The following CNTN6 variants were observed in gnomAD, a reference collection of about 807,000 sequenced individuals.
The protein encoded by CNTN6 is contactin 6.
A neutral mutation model predicts 122.8 loss-of-function variants in CNTN6; 137 were observed. The ratio of observed to expected loss-of-function variants is 1.12; its 90% CI spans 0.97 to 1.29. The LOEUF is 1.29. CNTN6 is among the 50% of genes most tolerant of loss of function. CNTN6 has a pLI of 0.00. For missense variants in CNTN6, 1,634 were observed against 1,223.4 expected (o/e 1.34, Z -5.01); for synonymous variants, 570 against 426.0 (o/e 1.34, Z -4.16).
chr3:1,299,011 C>G lies in CNTN6; in HGVS notation c.761+1020C>G, dbSNP rs540181289. ...ATTAAGTTAAACATACTCAGCAATC[C>G]AAATAATGGTGGTTACTAAATCTTA... is the stretch of plus-strand genomic sequence containing the variant. On this transcript the variant is annotated intron_variant, in intron 7 of 22. Transcript: ENST00000446702. Among the ~76,000 whole-genome samples, 18 of 152,176 alleles carry G rather than the reference C, an allele frequency of 1.2e-4. No homozygotes were observed. In the South Asian group the frequency reaches 1.2e-3, roughly 11 times the overall value.
chr3:1,155,381 A>T (rs1236589097), intron 2 of CNTN6, among the ~76,000 whole-genome samples: 1 of 152,228 alleles, frequency 6.6e-6, no homozygotes, highest in African/African-American at 2.4e-5. Flanking sequence ...TTAGGGATAA[A>T]CCAATATTCC....
intron 2 of CNTN6, among the ~76,000 whole-genome samples, chr3:1,170,107 C>T (rs1348266234): frequency 6.6e-6 from 1 of 151,636 alleles, no homozygotes; most frequent in Non-Finnish European, 1.5e-5. Context: ...TGTGGTGGTG[C>T]AAGCCTGTAG....
At chr3:1,278,320 C>A in intron 4 of CNTN6, 93 bp from the exon 5 acceptor site, 1 of 840,798 alleles carries the variant, frequency 1.2e-6, no homozygotes, top group Non-Finnish European at 1.8e-6. Context: ...AGATTAATTC[C>A]CCTTAATAAT....
At position 1,385,761 on chromosome 3, in the gene CNTN6, T is replaced by A. The variant is rs1382352050; in HGVS notation, c.2668T>A (p.Ser890Thr). The change falls in exon 20 of 23, where the codon TCA becomes ACA. Residue 890 changes from serine to threonine, a missense_variant. Coordinates refer to ENST00000446702, the MANE Select transcript of CNTN6 (RefSeq NM_001289080.2). ...RAYNTAGTGP[S>T]SPPVNVTTKK... Reference sequence around the variant, plus strand: ...TTACAACACTGCTGGGACAGGGCCCTCAAGCCCCCCAGTCAATGTTACCAC... The same window carrying A: ...TTACAACACTGCTGGGACAGGGCCCACAAGCCCCCCAGTCAATGTTACCAC... The A allele has an allele frequency of 6.2e-7, 1 of 1,612,864 alleles. No homozygotes were observed. The highest frequency in any genetic ancestry group is 1.3e-5 in the African/African-American group (1 of 74,834).
In CNTN6 at chr3:1,295,666, G is replaced by C. The variant is rs772340023; in HGVS notation, c.520G>C (p.Val174Leu). ...LYVQEDNRRF[V>L]SQETGNLYIA... is the part of the protein sequence containing the mutation. Reference sequence around the variant, plus strand: ...CGTCCAAGAGGACAATAGGCGATTTGTATCTCAAGAGACGGGAAACTTGTA... The same window carrying C: ...CGTCCAAGAGGACAATAGGCGATTTCTATCTCAAGAGACGGGAAACTTGTA... The change falls in exon 6 of 23, where the codon GTA becomes CTA. Residue 174 changes from valine (V) to leucine (L), a missense_variant. By Grantham distance (32) the Val-to-Leu change is conservative. Transcript: ENST00000446702. 3 of 1,613,996 alleles carry C rather than the reference G, an allele frequency of 1.9e-6. No homozygotes were observed. The highest frequency in any genetic ancestry group is 2.2e-5 in the South Asian group (2 of 91,082).
In CNTN6 at chr3:1,329,880, C is replaced by A. The variant is rs747798018; in HGVS notation, c.1309C>A (p.Pro437Thr). 6.2e-7 allele frequency: 1 copy of A among 1,610,296 alleles called. No individual in the cohort carries two copies. Among genetic ancestry groups the A allele is most frequent in the East Asian group, 2.2e-5 (1 of 44,658 alleles). The part of the protein sequence containing the change: ...IVIGCKPNAF[P>T]RAAISWKRGT... ...TATCGGATGCAAACCAAATGCTTTT[C>A]CCAGGGCAGCTATCTCTTGGAAAAG... Residue 437 changes from proline (P) to threonine (T), a missense_variant, in exon 11 of 23, where the codon CCC becomes ACC. Transcript: ENST00000446702.
At chr3:1,286,334 C>G (rs1035071135) in intron 5 of CNTN6, among the ~76,000 whole-genome samples, 5 of 152,168 alleles carry the variant, frequency 3.3e-5, no homozygotes, top group Non-Finnish European at 7.3e-5. Flanking sequence ...TCTCCTAATG[C>G]TATCCCTCCC....
intron 2 of CNTN6, among the ~76,000 whole-genome samples, chr3:1,202,206 C>A (rs2093882896): frequency 6.6e-6 from 1 of 152,278 alleles, no homozygotes; most frequent in South Asian, 2.1e-4. Flanking sequence ...GAATGCATGA[C>A]TAGGAATGAG....
chr3:1,115,831 G>A (rs528655327), intron 1 of CNTN6, among the ~76,000 whole-genome samples: 3 of 152,114 alleles, frequency 2.0e-5, no homozygotes, highest in South Asian at 4.2e-4. Flanking sequence ...AGTTATGATA[G>A]CCAGACTCAC....
In CNTN6 at chr3:1,327,494, C is replaced by T. The variant is rs745410696; in HGVS notation, c.1121C>T (p.Thr374Met). Residue 374 changes from threonine to methionine, a missense_variant, in exon 10 of 23, where the codon ACG (threonine) becomes ATG (methionine). Coordinates refer to ENST00000446702, the MANE Select transcript of CNTN6 (RefSeq NM_001289080.2). ...ATAGAAAATGGGACACTCATCATAA[C>T]GATGCTGAATGTGTCAGATTCTGGT... ...IQIENGTLIITMLNVSDSGVY... is the reference protein window; with the variant it reads ...IQIENGTLIIMMLNVSDSGVY... 20 of 1,610,366 alleles carry T rather than the reference C, an allele frequency of 1.2e-5. No individual in the cohort carries two copies. Among genetic ancestry groups the T allele is most frequent in the African/African-American group, 4.0e-5 (3 of 74,634 alleles).
intron 2 of CNTN6, among the ~76,000 whole-genome samples, chr3:1,197,206 T>G (rs2093790300): frequency 6.6e-6 from 1 of 152,218 alleles, no homozygotes; most frequent in South Asian, 2.1e-4. Context: ...GACATACCTC[T>G]CAGCATCATC....
intron 5 of CNTN6, among the ~76,000 whole-genome samples, chr3:1,290,846 A>T (rs546123190): frequency 1.3e-5 from 2 of 152,250 alleles, no homozygotes; most frequent in African/African-American, 2.4e-5. Flanking sequence ...GGTCACTCTC[A>T]TTGTTATCTT....
intron 11 of CNTN6, among the ~76,000 whole-genome samples, chr3:1,340,473 CTGAT>C (rs1453259517): frequency 6.6e-6 from 1 of 152,096 alleles, no homozygotes; most frequent in Non-Finnish European, 1.5e-5. Flanking sequence ...GTTCGGAAGA[CTGAT>C]TGGATTTTTA....
chr3:1,199,416 G>A (rs572268379), intron 2 of CNTN6, among the ~76,000 whole-genome samples: 2 of 151,944 alleles, frequency 1.3e-5, no homozygotes, highest in African/African-American at 4.8e-5. Context: ...CTAGGCTCAA[G>A]CAGTCCCCCC....
In CNTN6 at chr3:1,245,295, CATATATATATATATATATATAT is replaced by C. The variant is rs71056326; in HGVS notation, c.358+17322_358+17343del. On this transcript the variant is annotated intron_variant, in intron 4 of 22. Transcript: ENST00000446702. ...TATATACACACACATATATATATAA[CATATATATATATATATATATAT>C]ATATATATATATATATATAGCATGG... Among the ~76,000 whole-genome samples the C allele has an allele frequency of 1.8e-3, 7 of 3,806 alleles. 2 individuals are homozygous for C. Among genetic ancestry groups the C allele is most frequent in the South Asian group, 0.019 (2 of 104 alleles). The allele number at this position is 3,806 out of a possible 152,430, so 2.5% of individuals were successfully genotyped here. A position where few individuals can be genotyped will look rare whatever the true frequency, so the allele number is the denominator to read the frequency against.
chr3:1,149,327 CTA>C (rs1348172144), intron 2 of CNTN6, among the ~76,000 whole-genome samples: 3 of 152,096 alleles, frequency 2.0e-5, no homozygotes, highest in African/African-American at 7.2e-5. Flanking sequence ...TTCCCCCCGA[CTA>C]TGTGTTGATA....
At chr3:1,160,371 C>T (rs72999832) in intron 2 of CNTN6, among the ~76,000 whole-genome samples, 26,067 of 99,008 alleles carry the variant, frequency 0.26, 3,503 homozygotes, top group East Asian at 0.46. Context: ...TATATATACA[C>T]ACTACCTATA....
rs1376627362 is a variant in CNTN6 at position 1,385,895 on chromosome 3, C to CTAAT, written c.2704+100_2704+103dup. ...TTCATTCCCACACCTCATTTCTTTACTAATTGGTTACTTTGGTTAGTTGGT... is the reference window on the plus strand; with the variant it reads ...TTCATTCCCACACCTCATTTCTTTACTAATTAATTGGTTACTTTGGTTAGTTGGT... On this transcript the variant is annotated intron_variant, in intron 20 of 22. Coordinates refer to ENST00000446702, the MANE Select transcript of CNTN6 (RefSeq NM_001289080.2). The CTAAT allele has an allele frequency of 1.0e-5, 12 of 1,183,296 alleles. No individual in the cohort carries two copies. In the East Asian group the frequency reaches 1.3e-4, roughly 13 times the overall value. 73.3% of individuals were successfully genotyped at this position (1,183,296 alleles called of 1,614,324 possible).
chr3:1,264,483 G>C (rs2094896133), intron 4 of CNTN6, among the ~76,000 whole-genome samples: 1 of 152,160 alleles, frequency 6.6e-6, no homozygotes, highest in Non-Finnish European at 1.5e-5. Context: ...AGTGGTTGAT[G>C]TCATTTGGGA....
Sources: allele counts gnomAD v4.1 joint callset (sites outside exome capture counted in the v4.1 genomes callset), GRCh38; gene constraint gnomAD v4.1.1; transcripts MANE v1.5; gene names NCBI Gene and HGNC (gene_info 2026-07-23, HGNC 2026-07-21).